NAALADL2: variants seen among roughly 807,000 people sequenced by gnomAD.
NAALADL2 encodes the protein inactive N-acetylated-alpha-linked acidic dipeptidase-like protein 2.
NAALADL2 carries 76 observed loss-of-function variants against 87.2 expected under a neutral mutation model. The ratio of observed to expected loss-of-function variants is 0.87; its 90% CI spans 0.72 to 1.05. NAALADL2 has a LOEUF of 1.05. Ranked by LOEUF, NAALADL2 falls within the 50% of genes least tolerant of loss-of-function variation. The pLI is 0.00. For synonymous variants in NAALADL2, 354 were observed against 331.0 expected, an observed-to-expected ratio of 1.07 and a Z score of -0.75; for missense variants, 1,089 against 945.8, an observed-to-expected ratio of 1.15 and a Z score of -1.99.
intron 2 of NAALADL2, among the ~76,000 whole-genome samples, chr3:174,598,233 T>C (rs1046909500): frequency 2.0e-5 from 3 of 152,164 alleles, no homozygotes; most frequent in Non-Finnish European, 4.4e-5. Context: ...CTGATAGGAA[T>C]TCAAGTGGAA....
chr3:174,733,768 C>T (rs1041474982), intron 2 of NAALADL2, among the ~76,000 whole-genome samples: 1 of 152,110 alleles, frequency 6.6e-6, no homozygotes, highest in African/African-American at 2.4e-5. Context: ...ATCTCTCTGA[C>T]CTACTAAAAT....
chr3:175,667,240 A>G (rs1045517040), intron 11 of NAALADL2, among the ~76,000 whole-genome samples: 1 of 88,204 alleles, frequency 1.1e-5, no homozygotes, highest in Non-Finnish European at 2.1e-5. Context: ...AGAAAGAAAG[A>G]AAAAGAAAGA....
chr3:174,870,387 C>A (rs1042754011), intron 1 of NAALADL2, among the ~76,000 whole-genome samples: 1 of 152,016 alleles, frequency 6.6e-6, no homozygotes, highest in African/African-American at 2.4e-5. Context: ...TCCATATATA[C>A]CACTGACCAT....
chr3:175,743,050 C>T (rs972099380), intron 12 of NAALADL2, among the ~76,000 whole-genome samples: 2 of 151,204 alleles, frequency 1.3e-5, no homozygotes, highest in Non-Finnish European at 2.9e-5. Flanking sequence ...GGCTGGAGTG[C>T]AGTGGTGCTG....
At chr3:174,599,255 T>A (rs1213980593) in intron 2 of NAALADL2, among the ~76,000 whole-genome samples, 2 of 152,104 alleles carry the variant, frequency 1.3e-5, no homozygotes, top group Non-Finnish European at 2.9e-5. Context: ...ATAGGTTTAG[T>A]AGAGTGGCTA....
At chr3:175,490,084 T>C (rs1459907773) in intron 9 of NAALADL2, among the ~76,000 whole-genome samples, 1 of 152,136 alleles carries the variant, frequency 6.6e-6, no homozygotes, top group Non-Finnish European at 1.5e-5. Context: ...GATCAGTTCA[T>C]GGATGGACAC....
rs559753527 is a variant in NAALADL2, at chr3:175,364,662, C to T, written c.1090+40337C>T. ...ATCTACTCCCACCAGTTCCTTCTTG[C>T]CTAAATTAATGGAGTTCTAATCTCC... On this transcript the variant is annotated intron_variant, in intron 5 of 13. Transcript: ENST00000454872. 8.5e-4 allele frequency among the ~76,000 whole-genome samples: 125 copies of T among 147,720 alleles called. 7 individuals are homozygous for T. The highest frequency in any genetic ancestry group is 2.8e-3 in the African/African-American group (115 of 40,768).
intron 9 of NAALADL2, among the ~76,000 whole-genome samples, chr3:175,568,589 G>A (rs1040558291): frequency 6.6e-6 from 1 of 152,128 alleles, no homozygotes; most frequent in Non-Finnish European, 1.5e-5. Context: ...TAATTTGGGG[G>A]CCTTAATTTT....
At chr3:175,075,068 G>A (rs1321632956) in intron 1 of NAALADL2, among the ~76,000 whole-genome samples, 2 of 152,182 alleles carry the variant, frequency 1.3e-5, no homozygotes, top group Non-Finnish European at 1.5e-5. Context: ...TATATGCCAA[G>A]CACTGTTCTA....
At chr3:175,051,922 T>C (rs1000833532) in intron 1 of NAALADL2, among the ~76,000 whole-genome samples, 4 of 152,184 alleles carry the variant, frequency 2.6e-5, no homozygotes, top group Non-Finnish European at 4.4e-5. Flanking sequence ...CCAGCTCGGC[T>C]GGGGAGACCC....
At chr3:175,498,738 G>A (rs1404746004) in intron 9 of NAALADL2, among the ~76,000 whole-genome samples, 1 of 151,932 alleles carries the variant, frequency 6.6e-6, no homozygotes, top group Non-Finnish European at 1.5e-5. Flanking sequence ...TATTTAAAAA[G>A]CTATTTGCAC....
intron 4 of NAALADL2, among the ~76,000 whole-genome samples, chr3:175,262,691 C>A (rs567248097): frequency 6.6e-6 from 1 of 151,520 alleles, no homozygotes; most frequent in African/African-American, 2.4e-5. Flanking sequence ...GAGAAAGACA[C>A]CTTTCCTATT....
intron 3 of NAALADL2, among the ~76,000 whole-genome samples, chr3:174,765,143 C>CGAGA (rs71634279): frequency 1.9e-3 from 243 of 124,620 alleles, no homozygotes; most frequent in African/African-American, 2.5e-3. Flanking sequence ...CACACACACA[C>CGAGA]GAGAGAGAGA....
intron 2 of NAALADL2, among the ~76,000 whole-genome samples, chr3:174,633,610 T>C (rs1025803486): frequency 3.9e-5 from 6 of 152,224 alleles, no homozygotes; most frequent in African/African-American, 1.2e-4. Context: ...AATAACTGAA[T>C]GCTGCATTAT....
chr3:175,255,891 T>C (rs1749851591), intron 3 of NAALADL2, among the ~76,000 whole-genome samples: 1 of 152,136 alleles, frequency 6.6e-6, no homozygotes, highest in African/African-American at 2.4e-5. Context: ...TCTGCACGAC[T>C]CAAGGATTTG....
chr3:174,562,938 C>T (rs771698611), intron 2 of NAALADL2, among the ~76,000 whole-genome samples: 1 of 152,060 alleles, frequency 6.6e-6, no homozygotes, highest in Non-Finnish European at 1.5e-5. Context: ...TCAGATCTAG[C>T]TAAATTTCAC....
chr3:175,231,722 G>A (rs1483293555), intron 2 of NAALADL2, among the ~76,000 whole-genome samples: 1 of 152,020 alleles, frequency 6.6e-6, no homozygotes, highest in African/African-American at 2.4e-5. Context: ...AGCAGTCTTC[G>A]CATTTTTCTT....
At chr3:175,653,251 A>G (rs1286617583) in intron 11 of NAALADL2, among the ~76,000 whole-genome samples, 1 of 152,096 alleles carries the variant, frequency 6.6e-6, no homozygotes, top group Non-Finnish European at 1.5e-5. Flanking sequence ...GTGTAACTTT[A>G]CAGAAATACA....
chr3:175,050,531 T>C (rs189990415), intron 1 of NAALADL2, among the ~76,000 whole-genome samples: 2 of 152,316 alleles, frequency 1.3e-5, no homozygotes, highest in Admixed American at 6.5e-5. Flanking sequence ...TGGGTCTTCA[T>C]TTCAAAGTTT....
Sources: allele counts gnomAD v4.1 joint callset (sites outside exome capture counted in the v4.1 genomes callset), GRCh38; gene constraint gnomAD v4.1.1; transcripts MANE v1.5; gene names NCBI Gene and HGNC (gene_info 2026-07-23, HGNC 2026-07-21).